RBFOX1: variants seen among roughly 807,000 people sequenced by gnomAD.
The protein encoded by RBFOX1 is RNA binding protein fox-1 homolog 1.
Under a neutral mutation model 57.7 loss-of-function variants are expected in RBFOX1, and 8 were observed. The observed-to-expected ratio is 0.14, with a 90% CI of 0.08 to 0.25. The LOEUF (loss-of-function observed/expected upper bound fraction) is 0.25, where lower values mean the gene tolerates loss of function less well. RBFOX1 is among the 10% of genes least tolerant of loss of function. The probability of loss-of-function intolerance (pLI) is 1.00; values close to 1 mark genes in which losing one functional copy is unlikely to be tolerated. For synonymous variants in RBFOX1, 326 were observed against 222.4 expected, an observed-to-expected ratio of 1.47 and a Z score of -4.15; for missense variants, 611 against 548.5, an observed-to-expected ratio of 1.11 and a Z score of -1.14.
chr16:7,149,734 C>T (rs1181019921), intron 4 of RBFOX1, among the ~76,000 whole-genome samples: 1 of 151,990 alleles, frequency 6.6e-6, no homozygotes, highest in Non-Finnish European at 1.5e-5. Flanking sequence ...TTCCTTCCCT[C>T]TCTACACCCG....
At position 6,618,284 on chromosome 16, in the gene RBFOX1, C is replaced by T. The variant is rs556043705; in HGVS notation, c.-63-36319C>T. On this transcript the variant is annotated intron_variant, in intron 2 of 15. Coordinates refer to ENST00000550418, the MANE Select transcript of RBFOX1 (RefSeq NM_018723.4). ...ACCCTAGAAAAATAAGCAACAAAAC[C>T]GTTCATTGTAATAGATGACATTGAC... Among the ~76,000 whole-genome samples, 77 of 152,222 alleles carry T rather than the reference C, an allele frequency of 5.1e-4. 3 individuals carry two copies. In the South Asian group the frequency reaches 0.015, roughly 30 times the overall value.
intron 14 of RBFOX1, among the ~76,000 whole-genome samples, chr16:7,687,769 T>TA (rs1189318571): frequency 6.6e-6 from 1 of 152,020 alleles, no homozygotes; most frequent in Non-Finnish European, 1.5e-5. Context: ...TATAAAATGT[T>TA]AAAAATCAAC....
intron 2 of RBFOX1, among the ~76,000 whole-genome samples, chr16:6,415,134 T>C (rs562657532): frequency 8.7e-5 from 13 of 149,132 alleles, no homozygotes; most frequent in Non-Finnish European, 1.6e-4. Context: ...TCCCAGCTAC[T>C]AGGGAGGCTG....
At chr16:7,007,178 C>T (rs1428398222) in intron 3 of RBFOX1, among the ~76,000 whole-genome samples, 1 of 152,176 alleles carries the variant, frequency 6.6e-6, no homozygotes, top group Non-Finnish European at 1.5e-5. Context: ...TATTTCCTTG[C>T]AGCTGTAAAG....
At chr16:6,816,767 CAG>C (rs2090170649) in intron 3 of RBFOX1, among the ~76,000 whole-genome samples, 1 of 149,696 alleles carries the variant, frequency 6.7e-6, no homozygotes, top group African/African-American at 2.5e-5. Context: ...AGAAAAGAAA[CAG>C]GGTGTTGTTC....
At chr16:6,684,294 C>T (rs552103393) in intron 3 of RBFOX1, among the ~76,000 whole-genome samples, 30 of 152,284 alleles carry the variant, frequency 2.0e-4, no homozygotes, top group Non-Finnish European at 3.2e-4. Context: ...AGCTCCCAGG[C>T]GCCAGCCACT....
chr16:5,356,770 G>C (rs1471712493), intron 1 of RBFOX1, among the ~76,000 whole-genome samples: 1 of 152,138 alleles, frequency 6.6e-6, no homozygotes, highest in Non-Finnish European at 1.5e-5. Flanking sequence ...TTATTGAGGA[G>C]GAAATTAATT....
In RBFOX1 at chr16:6,727,021, C is replaced by T. The variant is rs371603435; in HGVS notation, c.-16+72371C>T. On this transcript the variant is annotated intron_variant, in intron 3 of 15. Transcript: ENST00000550418. ...GAGAAATAATGACATACGATGAGAG[C>T]GCCTCATGACCTTCAGGTATTTGGA... Among the ~76,000 whole-genome samples, 209 of 115,276 alleles carry T rather than the reference C, an allele frequency of 1.8e-3. 1 individual carries two copies. The highest frequency in any genetic ancestry group is 4.2e-3 in the Admixed American group (45 of 10,826). The allele number at this position is 115,276 out of a possible 152,430, so 75.6% of individuals were successfully genotyped here.
intron 3 of RBFOX1, among the ~76,000 whole-genome samples, chr16:6,658,945 GT>G (rs778640073): frequency 1.3e-3 from 183 of 139,472 alleles, no homozygotes; most frequent in African/African-American, 2.1e-3. Context: ...TGTTTTTTTT[GT>G]TTTTTTTTTT....
At position 5,676,162 on chromosome 16, in the gene RBFOX1, A is replaced by G. The variant is rs566503249; in HGVS notation, c.318+77201A>G. ...TCAAGCAGGGCTTAAAACCTAGATG[A>G]TGGGTTGATAGGTGTAGCAAACCAC... On this transcript the variant is annotated intron_variant, in intron 3 of 19. Coordinates refer to the RBFOX1 transcript ENST00000641259. Among the ~76,000 whole-genome samples the G allele has an allele frequency of 3.3e-5, 5 of 152,096 alleles. No individual in the cohort carries two copies. In the East Asian group the frequency reaches 9.7e-4, roughly 30 times the overall value.
intron 2 of RBFOX1, among the ~76,000 whole-genome samples, chr16:6,411,398 T>C (rs147699803): frequency 5.4e-4 from 82 of 152,366 alleles, no homozygotes; most frequent in Admixed American, 1.4e-3. Flanking sequence ...GTTTTGTGTA[T>C]TCCCGATGAA....
chr16:6,531,641 C>G (rs1310977223), intron 2 of RBFOX1, among the ~76,000 whole-genome samples: 3 of 152,120 alleles, frequency 2.0e-5, no homozygotes, highest in Admixed American at 6.5e-5. Context: ...ATGACCCATT[C>G]TCGGAGCATA....
At chr16:6,977,543 G>T (rs74010413) in intron 3 of RBFOX1, among the ~76,000 whole-genome samples, 4,067 of 152,046 alleles carry the variant, frequency 0.027, 175 homozygotes, top group African/African-American at 0.093. Flanking sequence ...ACTGTAGTTC[G>T]AAGACCTCTG....
At chr16:6,642,459 C>A (rs114702180) in intron 2 of RBFOX1, among the ~76,000 whole-genome samples, 1 of 151,976 alleles carries the variant, frequency 6.6e-6, no homozygotes, top group Non-Finnish European at 1.5e-5. Flanking sequence ...ACAGGGATGC[C>A]GTTCTCGGTA....
chr16:6,800,469 CT>C (rs1245191460), intron 3 of RBFOX1, among the ~76,000 whole-genome samples: 1 of 152,026 alleles, frequency 6.6e-6, no homozygotes, highest in Non-Finnish European at 1.5e-5. Flanking sequence ...TTCAATAAGT[CT>C]CGGGTGGGGT....
At chr16:6,031,635 A>G (rs1034446971) in intron 1 of RBFOX1, among the ~76,000 whole-genome samples, 2 of 152,104 alleles carry the variant, frequency 1.3e-5, no homozygotes, top group African/African-American at 4.8e-5. Context: ...ACGTGTGTGT[A>G]TGTATGTACA....
intron 4 of RBFOX1, among the ~76,000 whole-genome samples, chr16:5,912,809 C>A (rs77289823): frequency 0.03 from 4,535 of 152,086 alleles, 217 homozygotes; most frequent in African/African-American, 0.1. Context: ...ATTAGGAGAG[C>A]TGGTTTGGCG....
In RBFOX1 at chr16:6,562,880, C is replaced by CTTTCT. The variant is rs746999419; in HGVS notation, c.-63-91720_-63-91719insCTTTT. 7.2e-3 allele frequency among the ~76,000 whole-genome samples: 375 copies of CTTTCT among 51,744 alleles called. 10 individuals carry two copies. Among genetic ancestry groups the CTTTCT allele is most frequent in the Non-Finnish European group, 0.012 (313 of 25,298 alleles). The allele number at this position is 51,744 out of a possible 152,430, so 33.9% of individuals were successfully genotyped here. ...TCTTTCTTTCTTTCTTTCTTTCTTTCTTTTTTTTTTTTTTTTTTGCATAGT... is the reference window on the plus strand; with the variant it reads ...TCTTTCTTTCTTTCTTTCTTTCTTTCTTTCTTTTTTTTTTTTTTTTTTTGCATAGT... On this transcript the variant is annotated intron_variant, in intron 2 of 15. Coordinates refer to ENST00000550418, the MANE Select transcript of RBFOX1 (RefSeq NM_018723.4).
chr16:6,810,692 C>A (rs1203730146), intron 3 of RBFOX1, among the ~76,000 whole-genome samples: 1 of 152,070 alleles, frequency 6.6e-6, no homozygotes, highest in Non-Finnish European at 1.5e-5. Context: ...TGGAAACGTA[C>A]AATCACGGTG....
Sources: gnomAD v4.1 joint callset for allele counts (sites outside exome capture counted in the v4.1 genomes callset) on GRCh38, gnomAD v4.1.1 for gene constraint, MANE v1.5 for transcripts, NCBI Gene and HGNC (gene_info 2026-07-23, HGNC 2026-07-21) for gene names.